RAF1: variants seen among roughly 807,000 people sequenced by gnomAD.
The protein encoded by RAF1 is Raf-1 proto-oncogene, serine/threonine kinase.
A neutral mutation model predicts 81.1 loss-of-function variants in RAF1; 27 were observed. The ratio of observed to expected loss-of-function variants is 0.33; its 90% CI spans 0.25 to 0.46. RAF1 has a LOEUF of 0.46. RAF1 is among the 20% of genes least tolerant of loss of function. RAF1 has a pLI of 1.00. For synonymous variants in RAF1, 298 were observed against 294.0 expected, an observed-to-expected ratio of 1.01 and a Z score of -0.14; for missense variants, 598 against 826.0, an observed-to-expected ratio of 0.72 and a Z score of 3.38.
At chr3:12,620,577 TCTC>T (rs2059527303) in intron 1 of RAF1, among the ~76,000 whole-genome samples, 1 of 152,104 alleles carries the variant, frequency 6.6e-6, no homozygotes, top group Admixed American at 6.5e-5. Flanking sequence ...CTCAAATGAT[TCTC>T]CTACCTCAGC....
chr3:12,601,972 T>C (rs950061691), intron 8 of RAF1, among the ~76,000 whole-genome samples: 5 of 152,244 alleles, frequency 3.3e-5, no homozygotes, highest in Admixed American at 2.6e-4. Context: ...TGGATTTCAA[T>C]AGAAATCGGC....
chr3:12,663,171 G>C (rs1281932569), intron 1 of RAF1, among the ~76,000 whole-genome samples: 1 of 152,186 alleles, frequency 6.6e-6, no homozygotes, highest in Admixed American at 6.5e-5. Context: ...CAGAGCTGAA[G>C]CGTCCCGGCG....
intron 3 of RAF1, 110 bp downstream of exon 3, chr3:12,611,839 GA>G (rs1305768437): frequency 1.2e-6 from 1 of 832,896 alleles, no homozygotes; most frequent in Admixed American, 1.8e-5. Flanking sequence ...GAAAGGTATA[GA>G]AATATACAAT....
At chr3:12,663,764 C>T (rs2060960545) in intron 1 of RAF1, 49 bp downstream of exon 1, 2 of 396,084 alleles carry the variant, frequency 5.0e-6, no homozygotes, top group Non-Finnish European at 8.9e-6. Context: ...GATCCCTCAG[C>T]CCCGCCGCCC....
intron 11 of RAF1, among the ~76,000 whole-genome samples, chr3:12,595,235 C>A (rs1190382256): frequency 6.6e-6 from 1 of 152,008 alleles, no homozygotes; most frequent in Non-Finnish European, 1.5e-5. Context: ...ACCACGCCCA[C>A]CTAATTTTTA....
intron 1 of RAF1, among the ~76,000 whole-genome samples, chr3:12,634,581 G>T (rs1366317849): frequency 5.3e-5 from 8 of 152,176 alleles, no homozygotes. Context: ...GGAAATCCCT[G>T]GGTGACAACT....
chr3:12,607,634 C>T (rs1269089488), intron 5 of RAF1, among the ~76,000 whole-genome samples: 3 of 151,290 alleles, frequency 2.0e-5, no homozygotes, highest in Admixed American at 1.3e-4. Context: ...GGAGACAGAG[C>T]GAGACCCTGT....
intron 3 of RAF1, among the ~76,000 whole-genome samples, chr3:12,610,168 T>G (rs1339189391): frequency 6.6e-6 from 1 of 152,196 alleles, no homozygotes; most frequent in African/African-American, 2.4e-5. Flanking sequence ...TTTTATCCAG[T>G]TAATCTGGCC....
chr3:12,590,851 CT>C lies in RAF1; in HGVS notation c.1376del (p.Lys459SerfsTer7), dbSNP rs1559407634. ...TGTCAATTAGCTGGAACATCTGAAACTTGGTCTCCTGGACATGCAGGTGTTT... is the reference window on the plus strand; with the variant it reads ...TGTCAATTAGCTGGAACATCTGAAACTGGTCTCCTGGACATGCAGGTGTTT... On this transcript the variant is annotated frameshift_variant, in exon 13 of 18. Transcript: ENST00000442415. LOFTEE classifies it high-confidence loss of function. The C allele has an allele frequency of 6.2e-7, 1 of 1,614,078 alleles. No homozygotes were observed. The highest frequency in any genetic ancestry group is 1.7e-5 in the Admixed American group (1 of 60,032).
At chr3:12,649,221 A>G (rs1385215052) in intron 1 of RAF1, among the ~76,000 whole-genome samples, 2 of 152,226 alleles carry the variant, frequency 1.3e-5, no homozygotes, top group Non-Finnish European at 2.9e-5. Context: ...GACACCTGTA[A>G]AACTGATAAT....
rs573499672 is a variant in RAF1, at chr3:12,607,090, G to C, written c.582-791C>G. 1.2e-3 allele frequency among the ~76,000 whole-genome samples: 177 copies of C among 152,270 alleles called. 1 individual carries two copies. The highest frequency in any genetic ancestry group is 4.1e-3 in the African/African-American group (170 of 41,548). ...CATTTCACAAACTATGTCACACACA[G>C]CTTCTCTGGAAACATTCCATCTTGA... On this transcript the variant is annotated intron_variant, in intron 5 of 17. Transcript: ENST00000442415.
chr3:12,648,281 G>T (rs1052396147), intron 1 of RAF1, among the ~76,000 whole-genome samples: 8 of 70,342 alleles, frequency 1.1e-4, no homozygotes, highest in African/African-American at 6.1e-4. Context: ...AAGTAACAGC[G>T]AAGTTAAAAA....
At chr3:12,622,889 G>A (rs978046077) in intron 1 of RAF1, among the ~76,000 whole-genome samples, 10 of 152,138 alleles carry the variant, frequency 6.6e-5, no homozygotes, top group East Asian at 5.8e-4. Flanking sequence ...TCAGCCGGGC[G>A]CAGTTGTTCA....
At chr3:12,652,350 G>T (rs537651693) in intron 1 of RAF1, among the ~76,000 whole-genome samples, 1 of 150,200 alleles carries the variant, frequency 6.7e-6, no homozygotes, top group Non-Finnish European at 1.5e-5. Flanking sequence ...GTGAAGCCCC[G>T]TCTCTACTAA....
At chr3:12,600,902 T>A (rs185952732) in intron 8 of RAF1, among the ~76,000 whole-genome samples, 1 of 152,366 alleles carries the variant, frequency 6.6e-6, no homozygotes, top group African/African-American at 2.4e-5. Context: ...CACATTCTTT[T>A]TCTCAAAAGA....
At chr3:12,660,340 A>G (rs559695745) in intron 1 of RAF1, among the ~76,000 whole-genome samples, 1 of 151,896 alleles carries the variant, frequency 6.6e-6, no homozygotes, top group East Asian at 1.9e-4. Context: ...TCCATCACCA[A>G]CACTGGAGTA....
At chr3:12,643,974 G>T (rs1189018072) in intron 1 of RAF1, among the ~76,000 whole-genome samples, 1 of 152,032 alleles carries the variant, frequency 6.6e-6, no homozygotes, top group African/African-American at 2.4e-5. Context: ...TGCATTCAGA[G>T]AATTTCTAAA....
chr3:12,658,047 C>CAA (rs2125585665), intron 1 of RAF1, among the ~76,000 whole-genome samples: 1 of 152,100 alleles, frequency 6.6e-6, no homozygotes, highest in African/African-American at 2.4e-5. Flanking sequence ...AATATGTTTC[C>CAA]AATGTTGTAG....
At chr3:12,608,320 A>G (rs1287301717) in intron 5 of RAF1, 3 of 158,672 alleles carry the variant, frequency 1.9e-5, no homozygotes, top group African/African-American at 7.2e-5. Context: ...CAAACAACTA[A>G]GTTTTCTCCA....
Sources: gnomAD v4.1 joint callset for allele counts (sites outside exome capture counted in the v4.1 genomes callset) on GRCh38, gnomAD v4.1.1 for gene constraint, MANE v1.5 for transcripts, NCBI Gene and HGNC (gene_info 2026-07-23, HGNC 2026-07-21) for gene names.